Variants in AK7 observed in about 807,000 individuals in gnomAD.
AK7 encodes the protein ATP-AMP transphosphorylase 7.
Under a neutral mutation model 96.6 loss-of-function variants are expected in AK7, and 78 were observed. The ratio of observed to expected loss-of-function variants is 0.81; its 90% confidence interval spans 0.67 to 0.97. The LOEUF (loss-of-function observed/expected upper bound fraction) is 0.97. Among genes scored for constraint, AK7 ranks in the 50% least tolerant of loss-of-function variants. AK7 has a pLI of 0.00. For missense variants in AK7, 855 were observed against 887.9 expected (o/e 0.96, Z 0.47); for synonymous variants, 302 against 317.2 (o/e 0.95, Z 0.51).
chr14:96,406,993 T>G (rs1890748750), intron 3 of AK7, among the ~76,000 whole-genome samples: 1 of 152,216 alleles, frequency 6.6e-6, no homozygotes, highest in Non-Finnish European at 1.5e-5. Context: ...TTAATAATGT[T>G]TTATTAAATT....
chr14:96,408,968 G>A (rs762448671), intron 4 of AK7, 27 bp downstream of exon 4: 1 of 1,610,174 alleles, frequency 6.2e-7, no homozygotes, highest in South Asian at 1.1e-5. Flanking sequence ...CTTTCCTTTA[G>A]GTAACATTTC....
chr14:96,474,865 CT>C (rs1895091620), intron 14 of AK7, among the ~76,000 whole-genome samples: 1 of 152,218 alleles, frequency 6.6e-6, no homozygotes, highest in Non-Finnish European at 1.5e-5. Flanking sequence ...CTCATTGAAC[CT>C]TTCCACAATC....
At chr14:96,396,031 C>T (rs1047144064) in intron 1 of AK7, among the ~76,000 whole-genome samples, 18 of 151,932 alleles carry the variant, frequency 1.2e-4, no homozygotes, top group East Asian at 1.9e-4. Flanking sequence ...AGGATGGTCT[C>T]GATCTCCTGA....
At chr14:96,406,835 T>C (rs1406318533) in intron 3 of AK7, among the ~76,000 whole-genome samples, 3 of 152,010 alleles carry the variant, frequency 2.0e-5, no homozygotes, top group Admixed American at 1.3e-4. Flanking sequence ...CAGGTGTGCA[T>C]CCAGCTATTT....
intron 12 of AK7, among the ~76,000 whole-genome samples, chr14:96,471,173 C>T (rs59190269): frequency 1.3e-5 from 2 of 151,734 alleles, no homozygotes; most frequent in Admixed American, 6.6e-5. Context: ...CTCTACAAAA[C>T]GTTTAAAAAT....
intron 8 of AK7, among the ~76,000 whole-genome samples, chr14:96,448,071 G>A (rs1445797532): frequency 1.3e-5 from 2 of 150,904 alleles, no homozygotes; most frequent in African/African-American, 4.9e-5. Flanking sequence ...AGAGGTTGCA[G>A]TGAGCCAAGA....
In AK7 at chr14:96,399,751, C is replaced by T. The variant is rs750470248; in HGVS notation, c.294+1488C>T. Among the ~76,000 whole-genome samples, 5 of 152,184 alleles carry T rather than the reference C, an allele frequency of 3.3e-5. 1 individual carries two copies. Among genetic ancestry groups the T allele is most frequent in the African/African-American group, 7.2e-5 (3 of 41,450 alleles). ...GTGCCTCGGCTCTGCACTGACTAAG[C>T]GCCCAAGTCCTCCTTCCCAGCTTCT... On this transcript the variant is annotated intron_variant, in intron 2 of 17. Transcript: ENST00000267584. This position sits in a 1 kb window ranked among gnomAD's most constrained non-coding sequence, Gnocchi z 4.1.
chr14:96,397,983 A>G, intron 1 of AK7, 92 bp from the exon 2 acceptor site: 5 of 1,337,116 alleles, frequency 3.7e-6, no homozygotes, highest in Non-Finnish European at 5.2e-6. Context: ...CCCAGCAAGC[A>G]CTCGGGAAAG....
At chr14:96,423,965 G>A in intron 5 of AK7, 1 of 984,502 alleles carries the variant, frequency 1.0e-6, no homozygotes. Flanking sequence ...AGGAAATGAT[G>A]CCATTCCCTG....
chr14:96,441,410 G>A (rs1192596518), intron 6 of AK7, among the ~76,000 whole-genome samples: 4 of 151,924 alleles, frequency 2.6e-5, no homozygotes, highest in African/African-American at 4.8e-5. Flanking sequence ...AGGCTGAGGC[G>A]GGTAGATCAC....
intron 15 of AK7, among the ~76,000 whole-genome samples, chr14:96,482,076 C>T (rs1207395310): frequency 6.6e-6 from 1 of 152,146 alleles, no homozygotes; most frequent in Non-Finnish European, 1.5e-5. Flanking sequence ...CATATTAGAA[C>T]TTGGTGGTGC....
At chr14:96,425,524 G>A (rs748392029) in intron 5 of AK7, among the ~76,000 whole-genome samples, 25 of 126,026 alleles carry the variant, frequency 2.0e-4, no homozygotes, top group Non-Finnish European at 3.1e-4. Context: ...GCTCTGTTGC[G>A]TAGGCTGGAG....
rs1049247613 is a variant in AK7 at position 96,404,882 on chromosome 14, C to T, written c.403+17C>T. 1.4e-5 allele frequency: 22 copies of T among 1,558,870 alleles called. No homozygotes were observed. In the Admixed American group the frequency reaches 1.5e-4, roughly 11 times the overall value. ...CAGTCTCTGGTCAGTGAGGTGTACT[C>T]TTTTATCTCCAGGGATGCTATTGTA... is the stretch of plus-strand genomic sequence containing the variant. On this transcript the variant is annotated intron_variant, in intron 3 of 17. Transcript: ENST00000267584.
chr14:96,471,893 G>A (rs554072903), intron 13 of AK7, among the ~76,000 whole-genome samples: 11 of 152,074 alleles, frequency 7.2e-5, no homozygotes, highest in African/African-American at 1.9e-4. Flanking sequence ...TTAAGTGTGC[G>A]ATACATTATC....
chr14:96,488,640 G>T lies in AK7; in HGVS notation c.*297G>T. On this transcript the variant is annotated 3_prime_UTR_variant, in exon 18 of 18. Transcript: ENST00000267584. ...CCGCTTCTGTACACTAATGTTTATA[G>T]GTATTTATAGCATGAAGAAAATCAG... 1 of 239,012 alleles carries T rather than the reference G, an allele frequency of 4.2e-6. No individual in the cohort carries two copies. The highest frequency in any genetic ancestry group is 8.1e-6 in the Non-Finnish European group (1 of 122,830). 14.8% of individuals were successfully genotyped at this position (239,012 alleles called of 1,614,324 possible). A position where few individuals can be genotyped will look rare whatever the true frequency, so the allele number is the denominator to read the frequency against.
At chr14:96,474,239 A>G (rs75203502) in intron 14 of AK7, among the ~76,000 whole-genome samples, 1,999 of 152,210 alleles carry the variant, frequency 0.013, 39 homozygotes, top group African/African-American at 0.045. Context: ...GGTCCAGCAC[A>G]GTTTGCAGAG....
chr14:96,405,356 T>G (rs1186357943), intron 3 of AK7, among the ~76,000 whole-genome samples: 2 of 151,942 alleles, frequency 1.3e-5, no homozygotes, highest in Non-Finnish European at 2.9e-5. Context: ...GCTAATTTTT[T>G]TTTTTTTGGC....
At chr14:96,487,077 A>T in intron 17 of AK7, 21 bp downstream of exon 17, 1 of 1,613,364 alleles carries the variant, frequency 6.2e-7, no homozygotes, top group African/African-American at 1.3e-5. Flanking sequence ...TAATTTTTAA[A>T]AAAAGATCAA....
At chr14:96,456,792 A>C in intron 11 of AK7, 1 of 237,972 alleles carries the variant, frequency 4.2e-6, no homozygotes, top group Middle Eastern at 1.7e-3. Context: ...TTCGTGGCCA[A>C]CTCAGGGGTC....
Sources: gnomAD v4.1 joint callset for allele counts (sites outside exome capture counted in the v4.1 genomes callset) on GRCh38, gnomAD v4.1.1 for gene constraint, Gnocchi (gnomAD v3.1) non-coding constraint, MANE v1.5 for transcripts, NCBI Gene and HGNC (gene_info 2026-07-23, HGNC 2026-07-21) for gene names.